The following ARHGAP40 variants were observed in gnomAD, a reference collection of about 807,000 sequenced individuals.
The protein encoded by ARHGAP40 is Rho GTPase activating protein 40.
ARHGAP40 carries 43 observed loss-of-function variants against 73.5 expected under a neutral mutation model. That is an observed-to-expected ratio of 0.58 (90% CI 0.46 to 0.75). The LOEUF is 0.75. ARHGAP40 is among the 30% of genes least tolerant of loss of function. ARHGAP40 has a pLI of 0.00. For missense variants in ARHGAP40, 734 were observed against 861.8 expected, an observed-to-expected ratio of 0.85 and a Z score of 1.86; for synonymous variants, 300 against 352.8, an observed-to-expected ratio of 0.85 and a Z score of 1.68.
Position 38,615,234 on chromosome 20 carries a change from C to T in ARHGAP40, c.138-8125C>T, listed in dbSNP as rs1253305928. The stretch of plus-strand genomic sequence containing the variant: ...GGGCATTGAGGTAAAAAAGTTTCTT[C>T]CTTTCATTCATGATCCCTCATCTTC... On this transcript the variant is annotated intron_variant, in intron 1 of 14. Transcript: ENST00000373345. 3.9e-6 allele frequency: 3 copies of T among 774,002 alleles called. No individual in the cohort carries two copies. In the African/African-American group the frequency reaches 5.1e-5, roughly 13 times the overall value. The allele number at this position is 774,002 out of a possible 1,614,324, so 47.9% of individuals were successfully genotyped here.
At chr20:38,641,875 T>A in intron 10 of ARHGAP40, 67 bp downstream of exon 10, 1 of 1,139,156 alleles carries the variant, frequency 8.8e-7, no homozygotes, top group Non-Finnish European at 1.1e-6. Context: ...TGGCTTCAAA[T>A]GTGCTCATTC....
chr20:38,619,047 G>T (rs2088859534), intron 1 of ARHGAP40, among the ~76,000 whole-genome samples: 1 of 152,230 alleles, frequency 6.6e-6, no homozygotes, highest in African/African-American at 2.4e-5. Flanking sequence ...CAGCAGAAAT[G>T]AATGTGTTAT....
exon 6 of ARHGAP40, chr20:38,634,733 C>G (rs2088962637): frequency 7.7e-7 from 1 of 1,304,606 alleles, no homozygotes; most frequent in Non-Finnish European, 1.0e-6. Flanking sequence ...CGCTCTGTGA[C>G]ATCCTCGGCT....
intron 6 of ARHGAP40, among the ~76,000 whole-genome samples, chr20:38,634,998 C>T (rs2088965172): frequency 6.6e-6 from 1 of 151,908 alleles, no homozygotes; most frequent in Non-Finnish European, 1.5e-5. Context: ...TCTTTTGCCT[C>T]AGCCACCCGA....
rs759371323 is a variant in ARHGAP40 at position 38,639,187 on chromosome 20, C to T, written c.1120-40C>T. 4 of 1,301,552 alleles carry T rather than the reference C, an allele frequency of 3.1e-6. No homozygotes were observed. In the African/African-American group the frequency reaches 4.6e-5, roughly 15 times the overall value. The allele number at this position is 1,301,552 out of a possible 1,614,324, so 80.6% of individuals were successfully genotyped here. A position where few individuals can be genotyped will look rare whatever the true frequency, so the allele number is the denominator to read the frequency against. Reference sequence around the variant, plus strand: ...AGTGGTAGAGCGACTTCTACCAGAGCCCTGGGCCAACTGTGTTTTCATGCC... The same window carrying T: ...AGTGGTAGAGCGACTTCTACCAGAGTCCTGGGCCAACTGTGTTTTCATGCC... On this transcript the variant is annotated intron_variant, in intron 8 of 14. Transcript: ENST00000373345.
intron 6 of ARHGAP40, among the ~76,000 whole-genome samples, chr20:38,636,700 A>G (rs768941709): frequency 1.3e-5 from 2 of 152,216 alleles, no homozygotes; most frequent in Non-Finnish European, 2.9e-5. Flanking sequence ...TGCTGTATAT[A>G]TGCTTTTGAA....
intron 10 of ARHGAP40, among the ~76,000 whole-genome samples, chr20:38,642,565 C>T (rs2089025786): frequency 6.6e-6 from 1 of 152,020 alleles, no homozygotes; most frequent in Non-Finnish European, 1.5e-5. Flanking sequence ...AATATGTGTC[C>T]TCTTTTCCTA....
At chr20:38,648,547 C>T (rs922503754) in intron 13 of ARHGAP40, 96 bp from the exon 14 acceptor site, 1 of 1,047,188 alleles carries the variant, frequency 9.5e-7, no homozygotes, top group African/African-American at 1.7e-5. Flanking sequence ...GTGAGGACTG[C>T]CCTTTCCAGG....
exon 15 of ARHGAP40, chr20:38,650,019 G>GT (rs902621281): frequency 4.9e-6 from 2 of 410,110 alleles, no homozygotes; most frequent in African/African-American, 4.2e-5. Context: ...CTCAGGGGTG[G>GT]TGCTCTCTCC....
intron 9 of ARHGAP40, 139 bp downstream of exon 9, chr20:38,639,525 A>T: frequency 9.6e-7 from 1 of 1,040,750 alleles, no homozygotes; most frequent in Admixed American, 3.1e-5. Context: ...TGATGGGGGA[A>T]GAAGCAAGTG....
intron 2 of ARHGAP40, among the ~76,000 whole-genome samples, chr20:38,626,785 A>G (rs1264287213): frequency 6.6e-6 from 1 of 152,086 alleles, no homozygotes; most frequent in African/African-American, 2.4e-5. Context: ...GGCTAATGCT[A>G]TCAGTACCCC....
chr20:38,638,693 A>C, intron 7 of ARHGAP40, 68 bp from the exon 8 acceptor site: 1 of 1,194,132 alleles, frequency 8.4e-7, no homozygotes, highest in Non-Finnish European at 1.1e-6. Context: ...CATGGGAGAC[A>C]AACACACCAT....
chr20:38,649,729 C>G, intron 14 of ARHGAP40, 28 bp from the exon 15 acceptor site: 5 of 1,285,126 alleles, frequency 3.9e-6, no homozygotes, highest in Non-Finnish European at 5.2e-6. Flanking sequence ...GCCTCCCACT[C>G]AACCTCCTTC....
intron 6 of ARHGAP40, among the ~76,000 whole-genome samples, chr20:38,635,773 G>A (rs1418000064): frequency 1.3e-5 from 2 of 151,990 alleles, no homozygotes; most frequent in Non-Finnish European, 2.9e-5. Flanking sequence ...ATAGAATTAT[G>A]GACATTTTCC....
rs1387326519 is a variant in ARHGAP40 at position 38,646,564 on chromosome 20, A to T, written c.1710+377A>T. Among the ~76,000 whole-genome samples the T allele has an allele frequency of 6.6e-6, 1 of 152,146 alleles. No individual in the cohort carries two copies. Among genetic ancestry groups the T allele is most frequent in the East Asian group, 1.9e-4 (1 of 5,192 alleles). On this transcript the variant is annotated intron_variant, in intron 12 of 14. Coordinates refer to ENST00000373345, the Ensembl canonical transcript of ARHGAP40. The surrounding 1 kb of genome is among the most constrained non-coding windows in gnomAD (Gnocchi z 4.5). Reference sequence around the variant, plus strand: ...CCTTCCAAAAATACTGAGTATTCCTAGGAGGGGTCCTGAACACGGTTCCTT... The same window carrying T: ...CCTTCCAAAAATACTGAGTATTCCTTGGAGGGGTCCTGAACACGGTTCCTT...
At chr20:38,623,152 C>T (rs2088881734) in intron 1 of ARHGAP40, among the ~76,000 whole-genome samples, 1 of 152,210 alleles carries the variant, frequency 6.6e-6, no homozygotes, top group South Asian at 2.1e-4. Flanking sequence ...CCTGCTCTGT[C>T]CCCTGCAGCA....
At chr20:38,613,990 T>C (rs1247011712) in intron 1 of ARHGAP40, among the ~76,000 whole-genome samples, 2 of 152,190 alleles carry the variant, frequency 1.3e-5, no homozygotes, top group Non-Finnish European at 2.9e-5. Context: ...GTTAAGATGA[T>C]ACTCAAAAAT....
At chr20:38,615,901 A>G (rs1208344119) in intron 1 of ARHGAP40, among the ~76,000 whole-genome samples, 2 of 152,172 alleles carry the variant, frequency 1.3e-5, no homozygotes, top group African/African-American at 4.8e-5. Flanking sequence ...GCTGGGGATT[A>G]GTTGCTCTAC....
exon 5 of ARHGAP40, chr20:38,629,516 G>A: frequency 7.7e-7 from 1 of 1,305,398 alleles, no homozygotes; most frequent in Non-Finnish European, 1.0e-6. Context: ...AGAGCCTGGG[G>A]GGCTGCAGGA....
Sources: allele counts gnomAD v4.1 joint callset (sites outside exome capture counted in the v4.1 genomes callset), GRCh38; gene constraint gnomAD v4.1.1; non-coding constraint Gnocchi (gnomAD v3.1); transcripts MANE v1.5; gene names NCBI Gene and HGNC (gene_info 2026-07-23, HGNC 2026-07-21).